Variants in FASTKD2 observed in about 807,000 individuals in gnomAD.
The protein encoded by FASTKD2 is FAST kinase domain-containing protein 2, mitochondrial.
FASTKD2 carries 51 observed loss-of-function variants against 63.6 expected under a neutral mutation model. That is an observed-to-expected ratio of 0.80 (90% CI 0.64 to 1.01). The LOEUF is 1.01. Ranked by LOEUF, FASTKD2 falls within the 50% of genes least tolerant of loss-of-function variation. FASTKD2 has a pLI of 0.00. For synonymous variants in FASTKD2, 284 were observed against 293.4 expected (o/e 0.97, Z 0.33); for missense variants, 786 against 831.1 (o/e 0.95, Z 0.67).
chr2:206,789,169 AAT>A (rs1690217129), intron 10 of FASTKD2: 1 of 399,696 alleles, frequency 2.5e-6, no homozygotes, highest in Non-Finnish European at 4.5e-6. Context: ...TCAATAAAAC[AAT>A]ATTAATATAA....
chr2:206,776,569 C>T (rs1286479877), intron 7 of FASTKD2, among the ~76,000 whole-genome samples: 2 of 151,922 alleles, frequency 1.3e-5, no homozygotes, highest in Non-Finnish European at 2.9e-5. Flanking sequence ...AAATAAGGTT[C>T]CAATTTCATT....
At chr2:206,788,264 C>T in intron 9 of FASTKD2, 109 bp downstream of exon 9, 1 of 707,014 alleles carries the variant, frequency 1.4e-6, no homozygotes, top group Non-Finnish European at 2.4e-6. Flanking sequence ...GCAGCATTGC[C>T]TCTGGAACTG....
In FASTKD2 at chr2:206,767,166, A is replaced by C; in HGVS notation, c.473A>C (p.Lys158Thr). Residue 158 changes from lysine (K) to threonine (T), a missense_variant, in exon 2 of 12, where the codon AAA becomes ACA. Transcript: ENST00000402774. ...AAACCAAACCGTATCAGCAGTAGAAAACTGTCTGAGGAATGTAATTCCCTG... is the reference window on the plus strand; with the variant it reads ...AAACCAAACCGTATCAGCAGTAGAACACTGTCTGAGGAATGTAATTCCCTG... Reference protein sequence around the residue: ...ETKPNRISSRKLSEECNSLSD... With the variant: ...ETKPNRISSRTLSEECNSLSD... The C allele has an allele frequency of 6.2e-7, 1 of 1,614,232 alleles. No homozygotes were observed. The highest frequency in any genetic ancestry group is 8.5e-7 in the Non-Finnish European group (1 of 1,180,028).
In FASTKD2 at chr2:206,770,181, C is replaced by T. The variant is rs778120270; in HGVS notation, c.868C>T (p.Arg290Ter). ...MEPCKNVHVLRTGFRILVDQQ... is the reference protein window; with the variant it reads ...MEPCKNVHVL ...ACCATGCAAGAATGTTCATGTTCTA[C>T]GAACGGGATTCAGGTGAGAACTCTC... is the stretch of plus-strand genomic sequence containing the variant. Residue 290 changes from arginine to a stop codon, truncating the protein, a stop_gained, in exon 3 of 12, where the codon CGA becomes TGA. Transcript: ENST00000402774. LOFTEE classifies it high-confidence loss of function. 14 of 1,599,388 alleles carry T rather than the reference C, an allele frequency of 8.8e-6. No individual in the cohort carries two copies. Among genetic ancestry groups the T allele is most frequent in the African/African-American group, 4.0e-5 (3 of 74,588 alleles).
Position 206,766,819 on chromosome 2 carries a change from G to T in FASTKD2, c.126G>T (p.Arg42Ser), listed in dbSNP as rs773465848. Residue 42 changes from arginine (R) to serine (S), a missense_variant, in exon 2 of 12, where the codon AGG (arginine) becomes AGT (serine). By Grantham distance (110) the Arg-to-Ser change is moderately radical. Coordinates refer to ENST00000402774, the MANE Select transcript of FASTKD2 (RefSeq NM_001136193.2). ...STLVSTSRTM[R>S]LCCLGLCKPK... Reference sequence around the variant, plus strand: ...TAGTTTCAACAAGCAGAACTATGAGGCTATGTTGTTTGGGACTTTGCAAAC... The same window carrying T: ...TAGTTTCAACAAGCAGAACTATGAGTCTATGTTGTTTGGGACTTTGCAAAC... The T allele has an allele frequency of 6.2e-7, 1 of 1,612,156 alleles. No individual in the cohort carries two copies. Among genetic ancestry groups the T allele is most frequent in the Non-Finnish European group, 8.5e-7 (1 of 1,178,892 alleles).
At chr2:206,786,668 T>C in intron 7 of FASTKD2, 65 bp from the exon 8 acceptor site, 1 of 1,398,754 alleles carries the variant, frequency 7.1e-7, no homozygotes, top group South Asian at 1.2e-5. Context: ...TCTCTTTTCT[T>C]TGGAATCGTT....
At chr2:206,765,947 T>G (rs1036487055) in intron 1 of FASTKD2, among the ~76,000 whole-genome samples, 200 bp downstream of exon 1, 6 of 152,002 alleles carry the variant, frequency 3.9e-5, no homozygotes, top group Non-Finnish European at 7.4e-5. Context: ...TTCTTGATGG[T>G]CTGGGTTCGG....
At position 206,767,179 on chromosome 2, in the gene FASTKD2, A is replaced by G; in HGVS notation, c.486A>G (p.Glu162=). The G allele has an allele frequency of 1.2e-6, 2 of 1,614,212 alleles. No individual in the cohort carries two copies. The highest frequency in any genetic ancestry group is 2.2e-5 in the East Asian group (1 of 44,886). ...TCAGCAGTAGAAAACTGTCTGAGGA[A>G]TGTAATTCCCTGAGTGATGTGTTAG... ...NRISSRKLSE[E]CNSLSDVLDA... The change falls in exon 2 of 12, where the codon GAA becomes GAG. Residue 162 remains glutamate, a synonymous_variant. Transcript: ENST00000402774.
intron 7 of FASTKD2, among the ~76,000 whole-genome samples, chr2:206,782,624 A>C (rs551287611): frequency 1.3e-5 from 2 of 152,332 alleles, no homozygotes; most frequent in Non-Finnish European, 2.9e-5. Context: ...GTTCATTAAA[A>C]ATCAGAAAAG....
intron 11 of FASTKD2, chr2:206,791,331 G>GAT (rs1442010130): frequency 4.0e-6 from 1 of 247,344 alleles, no homozygotes; most frequent in Admixed American, 5.1e-5. Context: ...ATTGGAAATG[G>GAT]ATTACGTGTG....
In FASTKD2 at chr2:206,786,844, G is replaced by C; in HGVS notation, c.1539G>C (p.Leu513=). ...YSFCLMNYFP[L]APFNQLLQKD... ...TTTGCTTGATGAATTACTTTCCCCTGGCTCCTTTTAATCAGCTTCTGCAAA... is the reference window on the plus strand; with the variant it reads ...TTTGCTTGATGAATTACTTTCCCCTCGCTCCTTTTAATCAGCTTCTGCAAA... The change falls in exon 8 of 12, where the codon CTG becomes CTC. Residue 513 remains leucine, a synonymous_variant. Coordinates refer to ENST00000402774, the MANE Select transcript of FASTKD2 (RefSeq NM_001136193.2). 6.2e-7 allele frequency: 1 copy of C among 1,613,662 alleles called. No homozygotes were observed. The highest frequency in any genetic ancestry group is 8.5e-7 in the Non-Finnish European group (1 of 1,179,732).
chr2:206,779,659 C>G (rs955307708), intron 7 of FASTKD2, among the ~76,000 whole-genome samples: 2 of 152,156 alleles, frequency 1.3e-5, no homozygotes, highest in Non-Finnish European at 2.9e-5. Context: ...AGGTCTCTCC[C>G]TTAATACATG....
At position 206,774,387 on chromosome 2, in the gene FASTKD2, C is replaced by T. The variant is rs777015142; in HGVS notation, c.1417C>T (p.Gln473Ter). ...YSSLNHVYKC[Q>*]NKEQFVEVMA... The stretch of plus-strand genomic sequence containing the variant: ...TTCTCTCAATCATGTCTACAAATGC[C>T]AGAACAAAGAGTATGTACTTGTTTT... The change falls in exon 7 of 12, where the codon CAG (glutamine) becomes TAG (stop). Residue 473 changes from glutamine (Q) to a stop codon, truncating the protein, a stop_gained. Transcript: ENST00000402774. LOFTEE classifies it high-confidence loss of function. The T allele has an allele frequency of 1.3e-6, 2 of 1,592,376 alleles. No individual in the cohort carries two copies. Among genetic ancestry groups the T allele is most frequent in the East Asian group, 2.2e-5 (1 of 44,652 alleles).
chr2:206,774,400 A>T lies in FASTKD2; in HGVS notation c.1427+3A>T, dbSNP rs2105976043. ...GTCTACAAATGCCAGAACAAAGAGT[A>T]TGTACTTGTTTTTTTTTACCTTTTT... is the stretch of plus-strand genomic sequence containing the variant. On this transcript the variant is annotated splice_donor_region_variant and intron_variant, in intron 7 of 11. Coordinates refer to ENST00000402774, the MANE Select transcript of FASTKD2 (RefSeq NM_001136193.2). 6.4e-7 allele frequency: 1 copy of T among 1,574,734 alleles called. No individual in the cohort carries two copies. The highest frequency in any genetic ancestry group is 8.7e-7 in the Non-Finnish European group (1 of 1,148,006).
chr2:206,791,324 G>A, intron 11 of FASTKD2: 1 of 237,342 alleles, frequency 4.2e-6, no homozygotes. Flanking sequence ...CTTTAGTATT[G>A]GAAATGGATT....
intron 11 of FASTKD2, 178 bp from the exon 12 acceptor site, chr2:206,791,505 C>A: frequency 1.7e-6 from 1 of 604,970 alleles, no homozygotes; most frequent in Non-Finnish European, 2.9e-6. Context: ...ACAGTTAAAG[C>A]TTTCTTAAAC....
chr2:206,786,678 T>A, intron 7 of FASTKD2, 55 bp from the exon 8 acceptor site: 2 of 1,470,534 alleles, frequency 1.4e-6, no homozygotes, highest in South Asian at 2.3e-5. Flanking sequence ...TTGGAATCGT[T>A]ACAGATATTG....
chr2:206,781,379 G>A (rs1689972723), intron 7 of FASTKD2, among the ~76,000 whole-genome samples: 1 of 133,434 alleles, frequency 7.5e-6, no homozygotes, highest in South Asian at 2.5e-4. Context: ...GCAGTGGCAC[G>A]ATCTCGGCTT....
At chr2:206,771,653 CAAAAAAAAAA>C (rs71034472) in intron 4 of FASTKD2, among the ~76,000 whole-genome samples, 3 of 44,552 alleles carry the variant, frequency 6.7e-5, no homozygotes, top group Non-Finnish European at 1.2e-4. Flanking sequence ...CCTGTCTCTG[CAAAAAAAAAA>C]AAAAAAAAAA....
Sources: allele counts gnomAD v4.1 joint callset (sites outside exome capture counted in the v4.1 genomes callset), GRCh38; gene constraint gnomAD v4.1.1; transcripts MANE v1.5; gene names NCBI Gene and HGNC (gene_info 2026-07-23, HGNC 2026-07-21).